ANKRD17: variants seen among roughly 807,000 people sequenced by gnomAD.
ANKRD17 encodes the protein ankyrin repeat domain-containing protein 17.
A neutral mutation model predicts 229.7 loss-of-function variants in ANKRD17; 19 were observed. The observed-to-expected ratio is 0.08, with a 90% confidence interval of 0.06 to 0.12. The LOEUF is 0.12. Among genes scored for constraint, ANKRD17 ranks in the 10% least tolerant of loss-of-function variants. The probability of loss-of-function intolerance (pLI) is 1.00; values close to 1 mark genes in which losing one functional copy is unlikely to be tolerated. For synonymous variants in ANKRD17, 1,112 were observed against 1,146.1 expected, an observed-to-expected ratio of 0.97 and a Z score of 0.60; for missense variants, 2,176 against 3,176.8, an observed-to-expected ratio of 0.68 and a Z score of 7.57.
intron 1 of ANKRD17, among the ~76,000 whole-genome samples, chr4:73,229,837 G>A (rs1204347299): frequency 6.6e-6 from 1 of 151,980 alleles, no homozygotes; most frequent in East Asian, 1.9e-4. Context: ...AGAATTGTTT[G>A]GGAAATATTT....
At chr4:73,188,106 A>G (rs1422449336) in intron 1 of ANKRD17, among the ~76,000 whole-genome samples, 1 of 152,158 alleles carries the variant, frequency 6.6e-6, no homozygotes, top group Non-Finnish European at 1.5e-5. Context: ...GAAATTATAC[A>G]AGGGCACATT....
chr4:73,187,198 A>C (rs1459801965), intron 1 of ANKRD17, among the ~76,000 whole-genome samples: 1 of 152,192 alleles, frequency 6.6e-6, no homozygotes, highest in Non-Finnish European at 1.5e-5. Context: ...TGTATAATGA[A>C]ATTTTTTTAG....
chr4:73,258,225 C>G, intron 1 of ANKRD17, 51 bp downstream of exon 1: 2 of 1,611,734 alleles, frequency 1.2e-6, no homozygotes, highest in South Asian at 2.2e-5. Flanking sequence ...CCTTCGGCCC[C>G]TATCCCTTAC....
In ANKRD17 at chr4:73,098,515, G is replaced by T; in HGVS notation, c.4579C>A (p.Pro1527Thr). Residue 1527 changes from proline to threonine, a missense_variant, in exon 26 of 34, where the codon CCT (proline) becomes ACT (threonine). Transcript: ENST00000358602. ...CTTGGAGGTTCTGTCAAGACTTCAG[G>T]CTCATCTGTAAAAGTAGCAATACTG... ...EKEKLKVEDE[P>T]EVLTEPPSAT... 6.2e-7 allele frequency: 1 copy of T among 1,609,462 alleles called. No homozygotes were observed. The highest frequency in any genetic ancestry group is 8.5e-7 in the Non-Finnish European group (1 of 1,178,590).
intron 2 of ANKRD17, among the ~76,000 whole-genome samples, chr4:73,162,347 G>A (rs1732645469): frequency 6.6e-6 from 1 of 152,086 alleles, no homozygotes; most frequent in Non-Finnish European, 1.5e-5. Flanking sequence ...ACCGCAGCAG[G>A]ACACCCAGCT....
chr4:73,226,165 C>T (rs1447864560), intron 1 of ANKRD17, among the ~76,000 whole-genome samples: 9 of 151,038 alleles, frequency 6.0e-5, no homozygotes, highest in East Asian at 2.0e-4. Flanking sequence ...TTAGTAGAAA[C>T]GGGGTTTCAC....
chr4:73,184,712 T>C lies in ANKRD17; in HGVS notation c.394-7179A>G, dbSNP rs572934026. Among the ~76,000 whole-genome samples, 9 of 152,056 alleles carry C rather than the reference T, an allele frequency of 5.9e-5. No homozygotes were observed. The East Asian group carries it at 1.7e-3, about 29-fold the overall frequency. On this transcript the variant is annotated intron_variant, in intron 1 of 33. Transcript: ENST00000358602. ...TGTTATAATCAATACCTTCCATAAA[T>C]ACACAATAAAGAAAGGCAACTCTAT...
At chr4:73,204,405 C>T (rs1034979213) in intron 1 of ANKRD17, among the ~76,000 whole-genome samples, 30 of 146,868 alleles carry the variant, frequency 2.0e-4, no homozygotes, top group Non-Finnish European at 3.6e-4. Flanking sequence ...GAAAAACAAT[C>T]TTTCTTTCAA....
At chr4:73,210,188 GATAGAAAATCCTAAGATCTACCAAAAAA>G (rs1740060701) in intron 1 of ANKRD17, among the ~76,000 whole-genome samples, 1 of 151,912 alleles carries the variant, frequency 6.6e-6, no homozygotes, top group South Asian at 2.1e-4. Flanking sequence ...GATCCAAGTA[GATAGAAAATCCTAAGATCTACCAAAAAA>G]ACAAACAAAT....
At chr4:73,218,842 C>A (rs760207376) in intron 1 of ANKRD17, among the ~76,000 whole-genome samples, 147 of 152,172 alleles carry the variant, frequency 9.7e-4, no homozygotes, top group Middle Eastern at 3.4e-3. Flanking sequence ...GCATGCGGAT[C>A]ACGAGGTCAA....
Position 73,131,873 on chromosome 4 carries a change from T to C in ANKRD17, c.3234+3244A>G, listed in dbSNP as rs544867613. On this transcript the variant is annotated intron_variant, in intron 16 of 33. Transcript: ENST00000358602. ...GTTTGTTACATAAACAGATGAAAGA[T>C]CTAAGTATTAAAGAATGTTTAATCT... 1.2e-4 allele frequency among the ~76,000 whole-genome samples: 18 copies of C among 152,332 alleles called. No individual in the cohort carries two copies. The South Asian group carries it at 3.7e-3, about 32-fold the overall frequency.
At chr4:73,242,021 A>T (rs1459363286) in intron 1 of ANKRD17, among the ~76,000 whole-genome samples, 1 of 152,196 alleles carries the variant, frequency 6.6e-6, no homozygotes, top group African/African-American at 2.4e-5. Flanking sequence ...AATTGATAAA[A>T]GATATCTGCA....
At position 73,142,337 on chromosome 4, in the gene ANKRD17, C is replaced by T. The variant is rs751537324; in HGVS notation, c.2134G>A (p.Val712Ile). Reference sequence around the variant, plus strand: ...GGATAATCCAAGAGATAGCAAACAACACTTGTATGGCCACCTTTTGCTGCT... The same window carrying T: ...GGATAATCCAAGAGATAGCAAACAATACTTGTATGGCCACCTTTTGCTGCT... ...IEAAKGGHTS[V>I]VCYLLDYPNN... The change falls in exon 13 of 34, where the codon GTT becomes ATT. Residue 712 changes from valine (V) to isoleucine (I), a missense_variant. Transcript: ENST00000358602. 1.9e-6 allele frequency: 3 copies of T among 1,584,860 alleles called. No individual in the cohort carries two copies. The highest frequency in any genetic ancestry group is 2.2e-5 in the East Asian group (1 of 44,624).
intron 2 of ANKRD17, among the ~76,000 whole-genome samples, chr4:73,168,196 A>T (rs1402491098): frequency 1.3e-5 from 2 of 152,156 alleles, no homozygotes; most frequent in East Asian, 3.9e-4. Context: ...CAAGATGTTT[A>T]CTGAAAGCAT....
intron 27 of ANKRD17, 32 bp from the exon 28 acceptor site, chr4:73,094,260 T>TAGTC (rs771374551): frequency 6.4e-7 from 1 of 1,571,102 alleles, no homozygotes; most frequent in Non-Finnish European, 8.7e-7. Context: ...AAATTAAGAT[T>TAGTC]AGTCATTAAC....
At position 73,085,378 on chromosome 4, in the gene ANKRD17, A is replaced by C. The variant is rs1180553381; in HGVS notation, c.7030T>G (p.Ser2344Ala). Residue 2344 changes from serine (S) to alanine (A), a missense_variant, in exon 30 of 34, where the codon TCA becomes GCA. Transcript: ENST00000358602. ...PSSTHLGNFA[S>A]NISGGQMYGP... ...TACATCTGACCTCCTGAAATGTTTG[A>C]AGCAAAGTTTCCCAAATGTGTTGAA... 6.2e-7 allele frequency: 1 copy of C among 1,614,146 alleles called. No homozygotes were observed. Among genetic ancestry groups the C allele is most frequent in the East Asian group, 2.2e-5 (1 of 44,872 alleles).
At chr4:73,202,315 G>A (rs958374867) in intron 1 of ANKRD17, among the ~76,000 whole-genome samples, 7 of 76,128 alleles carry the variant, frequency 9.2e-5, no homozygotes, top group South Asian at 5.0e-4. Context: ...GCAGGAACAG[G>A]ATTAAAAAAA....
intron 1 of ANKRD17, among the ~76,000 whole-genome samples, chr4:73,207,793 G>A (rs911597821): frequency 1.3e-5 from 2 of 152,080 alleles, no homozygotes; most frequent in African/African-American, 2.4e-5. Context: ...CTGACAAATC[G>A]GAAAGGAAGA....
intron 30 of ANKRD17, among the ~76,000 whole-genome samples, chr4:73,083,366 T>A (rs567897029): frequency 6.6e-6 from 1 of 152,378 alleles, no homozygotes; most frequent in South Asian, 2.1e-4. Flanking sequence ...ATCCTTATTC[T>A]TAAGTGATGC....
Sources: gnomAD v4.1 joint callset for allele counts (sites outside exome capture counted in the v4.1 genomes callset) on GRCh38, gnomAD v4.1.1 for gene constraint, MANE v1.5 for transcripts, NCBI Gene and HGNC (gene_info 2026-07-23, HGNC 2026-07-21) for gene names.